Variants in NAV2 observed in about 807,000 individuals in gnomAD.
The protein encoded by NAV2 is helicase, APC down-regulated 1.
A neutral mutation model predicts 223.2 loss-of-function variants in NAV2; 54 were observed. The observed-to-expected ratio is 0.24, with a 90% confidence interval of 0.19 to 0.30. The LOEUF is 0.30. Among genes scored for constraint, NAV2 ranks in the 10% least tolerant of loss-of-function variants. NAV2 has a pLI of 1.00. For synonymous variants in NAV2, 1,279 were observed against 1,239.3 expected (o/e 1.03, Z -0.67); for missense variants, 2,806 against 3,147.5 (o/e 0.89, Z 2.60).
In NAV2 at chr11:19,450,753, T is replaced by C. The variant is rs915461600; in HGVS notation, c.75+99726T>C. ...CAAGCAGCTGGGTTGGCTTAATCAG[T>C]TTGGTTTGGCAGGGACGCGTTTGTG... On this transcript the variant is annotated intron_variant, in intron 1 of 37. Coordinates refer to the NAV2 transcript ENST00000360655. Among the ~76,000 whole-genome samples, 55 of 152,132 alleles carry C rather than the reference T, an allele frequency of 3.6e-4. 1 individual carries two copies. Among genetic ancestry groups the C allele is most frequent in the African/African-American group, 1.3e-3 (54 of 41,416 alleles).
At chr11:19,809,864 A>G (rs533418463) in intron 1 of NAV2, among the ~76,000 whole-genome samples, 59 of 152,344 alleles carry the variant, frequency 3.9e-4, no homozygotes, top group African/African-American at 1.3e-3. Flanking sequence ...GAGGAAGAAC[A>G]CAGAGGTAAA....
chr11:19,726,183 G>T (rs1183264215), intron 1 of NAV2, among the ~76,000 whole-genome samples: 1 of 152,236 alleles, frequency 6.6e-6, no homozygotes, highest in Non-Finnish European at 1.5e-5. Context: ...TAACAGGCTA[G>T]ATTATTTCAT....
intron 11 of NAV2, among the ~76,000 whole-genome samples, chr11:20,020,313 A>G (rs2054389184): frequency 1.3e-5 from 2 of 152,236 alleles, no homozygotes; most frequent in Non-Finnish European, 2.9e-5. Flanking sequence ...AACATCACTG[A>G]TAACATTGTT....
chr11:19,353,086 A>C (rs1389690361), intron 1 of NAV2, among the ~76,000 whole-genome samples: 1 of 152,164 alleles, frequency 6.6e-6, no homozygotes. Flanking sequence ...GGATTGGCTG[A>C]AAATCCAACA....
chr11:19,522,000 C>T (rs999739759), intron 1 of NAV2, among the ~76,000 whole-genome samples: 1 of 152,328 alleles, frequency 6.6e-6, no homozygotes. Flanking sequence ...AGCTCAGTGG[C>T]CTACTAGCTG....
intron 1 of NAV2, among the ~76,000 whole-genome samples, chr11:19,650,081 C>T (rs1276684132): frequency 6.6e-6 from 1 of 152,096 alleles, no homozygotes; most frequent in African/African-American, 2.4e-5. Flanking sequence ...TTGTCTTCCC[C>T]AAAAAAGATA....
At chr11:19,675,454 T>C (rs1334390903) in intron 1 of NAV2, among the ~76,000 whole-genome samples, 1 of 152,204 alleles carries the variant, frequency 6.6e-6, no homozygotes, top group East Asian at 1.9e-4. Context: ...AGACACCCAC[T>C]GCCTGTGTCC....
intron 1 of NAV2, among the ~76,000 whole-genome samples, chr11:19,487,792 C>T (rs548813460): frequency 6.6e-6 from 1 of 152,232 alleles, no homozygotes; most frequent in South Asian, 2.1e-4. Context: ...CCCTCTGGGA[C>T]CCTGTACCTC....
intron 11 of NAV2, chr11:20,022,916 G>T (rs1416780950): frequency 5.1e-6 from 7 of 1,363,806 alleles, no homozygotes; most frequent in Non-Finnish European, 6.8e-6. Context: ...AATTTTGTTG[G>T]GGGATCGGAT....
At chr11:20,057,102 A>G (rs997552836) in intron 19 of NAV2, among the ~76,000 whole-genome samples, 4 of 152,158 alleles carry the variant, frequency 2.6e-5, no homozygotes, top group African/African-American at 7.2e-5. Flanking sequence ...CCATTGAAAA[A>G]GCAGAATGTG....
intron 11 of NAV2, among the ~76,000 whole-genome samples, chr11:20,002,410 C>T (rs1001542782): frequency 5.3e-5 from 8 of 152,114 alleles, no homozygotes; most frequent in African/African-American, 1.9e-4. Flanking sequence ...TCGTGAGCGA[C>T]TAAAGGAAGG....
At chr11:19,559,748 T>G (rs963352802) in intron 1 of NAV2, among the ~76,000 whole-genome samples, 4 of 152,174 alleles carry the variant, frequency 2.6e-5, no homozygotes, top group African/African-American at 9.7e-5. Flanking sequence ...CCCAGGAACC[T>G]TGTTACAGGA....
At chr11:19,937,926 C>T (rs1273062061) in intron 7 of NAV2, among the ~76,000 whole-genome samples, 1 of 152,138 alleles carries the variant, frequency 6.6e-6, no homozygotes, top group Non-Finnish European at 1.5e-5. Flanking sequence ...TGTAGGAACT[C>T]CTGGCAAGGA....
intron 1 of NAV2, among the ~76,000 whole-genome samples, chr11:19,783,477 T>A (rs1239034204): frequency 1.3e-5 from 2 of 152,176 alleles, no homozygotes; most frequent in South Asian, 2.1e-4. Flanking sequence ...CCCCTTTTTT[T>A]AAGAAGCCCT....
chr11:19,475,198 T>C (rs1001974642), intron 1 of NAV2, among the ~76,000 whole-genome samples: 2 of 152,252 alleles, frequency 1.3e-5, no homozygotes, highest in African/African-American at 4.8e-5. Context: ...CTCTTTCTGA[T>C]ATATGAGCAA....
chr11:19,948,227 A>T (rs1444283819), intron 9 of NAV2, among the ~76,000 whole-genome samples: 1 of 152,114 alleles, frequency 6.6e-6, no homozygotes, highest in Non-Finnish European at 1.5e-5. Context: ...CTGGGACTAT[A>T]GGCACATGCC....
chr11:19,488,436 C>T (rs146460943), intron 1 of NAV2, among the ~76,000 whole-genome samples: 4 of 152,218 alleles, frequency 2.6e-5, no homozygotes, highest in African/African-American at 4.8e-5. Flanking sequence ...ACTAAAGCAG[C>T]GCATTATGAA....
At chr11:20,116,260 A>G (rs1312197320) in intron 37 of NAV2, among the ~76,000 whole-genome samples, 1 of 152,210 alleles carries the variant, frequency 6.6e-6, no homozygotes, top group Admixed American at 6.5e-5. Flanking sequence ...AAGTCCCTAG[A>G]TTAAAAAAAT....
rs751172846 is a variant in NAV2 at position 20,045,674 on chromosome 11, A to T, written c.3902+4A>T. 2 of 1,608,818 alleles carry T rather than the reference A, an allele frequency of 1.2e-6. No individual in the cohort carries two copies. Among genetic ancestry groups the T allele is most frequent in the Non-Finnish European group, 1.7e-6 (2 of 1,175,736 alleles). ...TGGCCTCTCCCACACTCCGCAGGTA[A>T]GTGAGTACATAAATGGTGCAGAGCA... On this transcript the variant is annotated splice_donor_region_variant and intron_variant, in intron 14 of 37. Transcript: ENST00000349880.
Sources: gnomAD v4.1 joint callset for allele counts (sites outside exome capture counted in the v4.1 genomes callset) on GRCh38, gnomAD v4.1.1 for gene constraint, MANE v1.5 for transcripts, NCBI Gene and HGNC (gene_info 2026-07-23, HGNC 2026-07-21) for gene names.